CMC1: variants seen among roughly 807,000 people sequenced by gnomAD.
The protein encoded by CMC1 is COX assembly mitochondrial protein homolog.
In CMC1, 14 loss-of-function variants were observed where a neutral mutation model predicts 14.1. The observed-to-expected ratio is 0.99, with a 90% CI of 0.66 to 1.55. CMC1 has a LOEUF of 1.55. Among genes scored for constraint, CMC1 ranks in the 40% most tolerant of loss-of-function variants. The probability of loss-of-function intolerance (pLI) is 0.00; values close to 1 mark genes in which losing one functional copy is unlikely to be tolerated. For missense variants in CMC1, 127 were observed against 123.8 expected (o/e 1.03, Z -0.12); for synonymous variants, 50 against 38.4 (o/e 1.30, Z -1.12).
At position 28,241,699 on chromosome 3, in the gene CMC1, T is replaced by A; in HGVS notation, c.-95T>A. ...TTCTGTTGCGGGAAGCTCCCGGGGG[T>A]CGCACGTGCGTCCGAGCCCAAGCCC... On this transcript the variant is annotated 5_prime_UTR_variant, in exon 1 of 4. Transcript: ENST00000466830. 1 of 1,236,506 alleles carries A rather than the reference T, an allele frequency of 8.1e-7. No individual in the cohort carries two copies. The allele number at this position is 1,236,506 out of a possible 1,614,324, so 76.6% of individuals were successfully genotyped here.
Position 28,323,974 on chromosome 3 carries a change from A to G in CMC1, c.*4345A>G, listed in dbSNP as rs1703280503. 6.8e-7 allele frequency: 1 copy of G among 1,478,978 alleles called. No homozygotes were observed. Among genetic ancestry groups the G allele is most frequent in the Admixed American group, 2.2e-5 (1 of 46,316 alleles). 91.6% of individuals were successfully genotyped at this position (1,478,978 alleles called of 1,614,324 possible). On this transcript the variant is annotated 3_prime_UTR_variant, in exon 4 of 4. Coordinates refer to ENST00000466830, the MANE Select transcript of CMC1 (RefSeq NM_182523.2). ...TCAAAATCTCCTTTCAGTTTGTTAAATAATTTCTTGGGAGGACCACTGAAA... is the reference window on the plus strand; with the variant it reads ...TCAAAATCTCCTTTCAGTTTGTTAAGTAATTTCTTGGGAGGACCACTGAAA...
intron 1 of CMC1, among the ~76,000 whole-genome samples, chr3:28,244,531 C>A (rs1297394225): frequency 6.6e-6 from 1 of 152,074 alleles, no homozygotes; most frequent in Non-Finnish European, 1.5e-5. Context: ...AGTTTGAGAC[C>A]ACCCTGGGCA....
chr3:28,261,115 G>C lies in CMC1; in HGVS notation c.20-2176G>C, dbSNP rs377564386. ...TGTTCAAGTACTTCACAGTTTTAAC[G>C]AACTTAAATATATGTTTTTGTAATA... On this transcript the variant is annotated intron_variant, in intron 1 of 3. Coordinates refer to ENST00000466830, the MANE Select transcript of CMC1 (RefSeq NM_182523.2). Among the ~76,000 whole-genome samples the C allele has an allele frequency of 1.7e-4, 26 of 152,000 alleles. 1 individual carries two copies. In the East Asian group the frequency reaches 4.8e-3, roughly 28 times the overall value.
At chr3:28,302,592 A>G (rs770110250) in intron 2 of CMC1, among the ~76,000 whole-genome samples, 61 of 152,194 alleles carry the variant, frequency 4.0e-4, no homozygotes, top group Admixed American at 1.4e-3. Flanking sequence ...GCACTTCATT[A>G]TATTTTGTTT....
intron 2 of CMC1, among the ~76,000 whole-genome samples, chr3:28,310,403 G>A (rs1702579939): frequency 6.6e-6 from 1 of 152,190 alleles, no homozygotes; most frequent in Admixed American, 6.5e-5. Context: ...TATTTTATGA[G>A]CCCCTGAATA....
Position 28,288,116 on chromosome 3 carries a change from T to A in CMC1, c.109+24736T>A, listed in dbSNP as rs147703027. Among the ~76,000 whole-genome samples, 4 of 152,216 alleles carry A rather than the reference T, an allele frequency of 2.6e-5. 1 individual carries two copies. Among genetic ancestry groups the A allele is most frequent in the African/African-American group, 9.6e-5 (4 of 41,582 alleles). On this transcript the variant is annotated intron_variant, in intron 2 of 3. Transcript: ENST00000466830. ...AAAAAAAATTATTGAACAGCTCTGG[T>A]ATTGATATATGAATCTTCTTCAACG...
At chr3:28,255,453 C>T (rs1297057519) in intron 1 of CMC1, among the ~76,000 whole-genome samples, 1 of 151,756 alleles carries the variant, frequency 6.6e-6, no homozygotes, top group Non-Finnish European at 1.5e-5. Flanking sequence ...ATCATATTGG[C>T]CAGGCTGGTC....
chr3:28,324,637 CA>C lies in CMC1; in HGVS notation c.*5009del. The C allele has an allele frequency of 4.4e-6, 2 of 459,048 alleles. No homozygotes were observed. 28.4% of individuals were successfully genotyped at this position (459,048 alleles called of 1,614,324 possible). ...GATGATCTGAGTTTTAATCCTGGAT[CA>C]GCAATTTACTGTGACTTTAGATATT... On this transcript the variant is annotated 3_prime_UTR_variant, in exon 4 of 4. Coordinates refer to ENST00000466830, the MANE Select transcript of CMC1 (RefSeq NM_182523.2).
intron 1 of CMC1, among the ~76,000 whole-genome samples, chr3:28,255,738 C>CACACACACACACACACACAT (rs1559402312): frequency 2.6e-5 from 4 of 151,438 alleles, no homozygotes; most frequent in African/African-American, 9.7e-5. Context: ...CACACACACA[C>CACACACACACACACACACAT]ACACACACAC....
chr3:28,274,220 C>CTTTTTTTTTTTTTTT (rs544985268), intron 2 of CMC1, among the ~76,000 whole-genome samples: 3 of 112,326 alleles, frequency 2.7e-5, no homozygotes, highest in African/African-American at 6.7e-5. Context: ...TTGTTTTTTT[C>CTTTTTTTTTTTTTTT]TTTTTTTTTT....
intron 2 of CMC1, among the ~76,000 whole-genome samples, chr3:28,272,318 C>G (rs1257857900): frequency 1.3e-5 from 2 of 152,128 alleles, no homozygotes; most frequent in Non-Finnish European, 2.9e-5. Flanking sequence ...GGGAATGCTT[C>G]CAGCTTTTGC....
At chr3:28,296,882 A>G (rs1390231988) in intron 2 of CMC1, among the ~76,000 whole-genome samples, 1 of 152,048 alleles carries the variant, frequency 6.6e-6, no homozygotes, top group South Asian at 2.1e-4. Context: ...GCACTCTTCC[A>G]TCTATTTTTG....
chr3:28,246,497 G>A (rs979467461), intron 1 of CMC1, among the ~76,000 whole-genome samples: 33 of 152,110 alleles, frequency 2.2e-4, no homozygotes, highest in Non-Finnish European at 4.4e-4. Context: ...TTTAGGTAAC[G>A]GAGTGACAAA....
intron 2 of CMC1, among the ~76,000 whole-genome samples, chr3:28,291,568 A>G (rs1701471914): frequency 6.6e-6 from 1 of 151,786 alleles, no homozygotes; most frequent in Non-Finnish European, 1.5e-5. Flanking sequence ...AGTTTTCTTG[A>G]ATTTATGTTT....
chr3:28,244,009 A>G (rs1386324986), intron 1 of CMC1, among the ~76,000 whole-genome samples: 1 of 152,206 alleles, frequency 6.6e-6, no homozygotes. Context: ...CAGGTAGCAA[A>G]TACTTAAAAT....
chr3:28,254,579 G>A (rs13093242), intron 1 of CMC1, among the ~76,000 whole-genome samples: 29,035 of 151,990 alleles, frequency 0.19, 3,195 homozygotes, highest in Middle Eastern at 0.27. Context: ...CGTAATGTAG[G>A]TAAATTTCTG....
chr3:28,300,166 C>T (rs956534694), intron 2 of CMC1, among the ~76,000 whole-genome samples: 3 of 152,024 alleles, frequency 2.0e-5, no homozygotes, highest in South Asian at 2.1e-4. Flanking sequence ...CAGATTTCTT[C>T]GATTTTGGCA....
intron 2 of CMC1, among the ~76,000 whole-genome samples, chr3:28,266,580 C>T (rs759771271): frequency 5.3e-5 from 8 of 151,618 alleles, no homozygotes; most frequent in Non-Finnish European, 1.2e-4. Context: ...TGGGCTCAAA[C>T]AAGTCTCCCA....
At chr3:28,313,758 G>A (rs1044894487) in intron 2 of CMC1, among the ~76,000 whole-genome samples, 15 of 152,152 alleles carry the variant, frequency 9.9e-5, no homozygotes, top group Non-Finnish European at 1.8e-4. Flanking sequence ...CCCTACCAAG[G>A]ACATTTTTAC....
Sources: gnomAD v4.1 joint callset for allele counts (sites outside exome capture counted in the v4.1 genomes callset) on GRCh38, gnomAD v4.1.1 for gene constraint, MANE v1.5 for transcripts, NCBI Gene and HGNC (gene_info 2026-07-23, HGNC 2026-07-21) for gene names.